CEACAM5: variants seen among roughly 807,000 people sequenced by gnomAD.
CEACAM5 encodes CEA cell adhesion molecule 5.
CEACAM5 carries 52 observed loss-of-function variants against 63.0 expected under a neutral mutation model. That is an observed-to-expected ratio of 0.83 (90% CI 0.66 to 1.04). The LOEUF (loss-of-function observed/expected upper bound fraction) is 1.04. Ranked by LOEUF, CEACAM5 falls within the 50% of genes least tolerant of loss-of-function variation. The pLI, the probability that CEACAM5 is intolerant of heterozygous loss-of-function variation, is 0.00. For missense variants in CEACAM5, 790 were observed against 864.8 expected (o/e 0.91, Z 1.08); for synonymous variants, 357 against 351.3 (o/e 1.02, Z -0.18).
intron 9 of CEACAM5, among the ~76,000 whole-genome samples, chr19:41,728,479 C>T (rs1031068007): frequency 1.3e-5 from 2 of 152,260 alleles, no homozygotes; most frequent in South Asian, 4.1e-4. Flanking sequence ...TGACTTTCAG[C>T]TAGGAGGATT....
rs782477374 is a variant in CEACAM5, at chr19:41,710,031, G to A, written c.416G>A (p.Arg139Gln). The A allele has an allele frequency of 1.0e-5, 16 of 1,598,564 alleles. No individual in the cohort carries two copies. Among genetic ancestry groups the A allele is most frequent in the South Asian group, 2.3e-5 (2 of 87,714 alleles). ...AATGAAGAAGCAACTGGCCAGTTCCGGGTATACCGTGAGTGATTCCCCCAT... is the reference window on the plus strand; with the variant it reads ...AATGAAGAAGCAACTGGCCAGTTCCAGGTATACCGTGAGTGATTCCCCCAT... The part of the protein sequence containing the change: ...LVNEEATGQF[R>Q]VYPELPKPSI... Residue 139 changes from arginine to glutamine, a missense_variant, in exon 2 of 10, where the codon CGG (arginine) becomes CAG (glutamine). Coordinates refer to ENST00000221992, the MANE Select transcript of CEACAM5 (RefSeq NM_004363.6).
intron 2 of CEACAM5, among the ~76,000 whole-genome samples, chr19:41,712,045 C>T (rs1379829509): frequency 2.6e-5 from 4 of 152,210 alleles, no homozygotes; most frequent in African/African-American, 9.6e-5. Flanking sequence ...ACACACGGAA[C>T]AGGCAGCAGG....
In CEACAM5 at chr19:41,718,299, A is replaced by T; in HGVS notation, c.1409A>T (p.Lys470Met). 1.2e-6 allele frequency: 2 copies of T among 1,614,212 alleles called. No individual in the cohort carries two copies. The highest frequency in any genetic ancestry group is 1.7e-6 in the Non-Finnish European group (2 of 1,180,032). ...CTCTTTATCTCCAACATCACTGAGA[A>T]GAACAGCGGACTCTATACCTGCCAG... is the stretch of plus-strand genomic sequence containing the variant. The part of the protein sequence containing the change: ...QELFISNITE[K>M]NSGLYTCQAN... The change falls in exon 6 of 10, where the codon AAG (lysine) becomes ATG (methionine). Residue 470 changes from lysine to methionine, a missense_variant. By Grantham distance (95) the Lys-to-Met change is moderately conservative. Transcript: ENST00000221992.
rs11667651 is a variant in CEACAM5 at position 41,730,086 on chromosome 19, C to T, written c.*939C>T. ...TCAATTAAACTTCTAAAAGTTTAAT[C>T]TGAGATTCCTTATAAAAACTTCCAG... On this transcript the variant is annotated 3_prime_UTR_variant, in exon 10 of 10. Coordinates refer to ENST00000221992, the MANE Select transcript of CEACAM5 (RefSeq NM_004363.6). Among the ~76,000 whole-genome samples the T allele has an allele frequency of 0.32, 49,019 of 151,990 alleles. 8,262 individuals carry two copies. The highest frequency in any genetic ancestry group is 0.4 in the Middle Eastern group (118 of 294).
chr19:41,723,580 T>C (rs2072657352), intron 8 of CEACAM5, among the ~76,000 whole-genome samples: 2 of 152,214 alleles, frequency 1.3e-5, no homozygotes, highest in South Asian at 2.1e-4. Context: ...TTATCAGATA[T>C]ATGATTTGCA....
At chr19:41,717,881 A>G (rs1343945438) in intron 5 of CEACAM5, 148 bp downstream of exon 5, 3 of 1,121,500 alleles carry the variant, frequency 2.7e-6, no homozygotes, top group East Asian at 4.7e-5. Flanking sequence ...AAATCCATGC[A>G]GGCCCAGTCC....
chr19:41,724,443 C>T (rs536338475), intron 8 of CEACAM5, among the ~76,000 whole-genome samples: 2 of 152,184 alleles, frequency 1.3e-5, no homozygotes, highest in African/African-American at 4.8e-5. Flanking sequence ...GGTTGTTTGG[C>T]TATTTAGAGT....
At chr19:41,719,096 C>T (rs1600468781) in intron 6 of CEACAM5, among the ~76,000 whole-genome samples, 1 of 152,102 alleles carries the variant, frequency 6.6e-6, no homozygotes, top group East Asian at 1.9e-4. Flanking sequence ...ATTGTGGGCA[C>T]AGCACATGGG....
intron 7 of CEACAM5, 70 bp downstream of exon 7, chr19:41,720,278 T>C: frequency 6.6e-7 from 1 of 1,525,406 alleles, no homozygotes. Context: ...GCCAGGACTC[T>C]CAGTTCTCCT....
At chr19:41,714,219 C>A (rs540765006) in intron 2 of CEACAM5, among the ~76,000 whole-genome samples, 2 of 152,150 alleles carry the variant, frequency 1.3e-5, no homozygotes, top group Non-Finnish European at 2.9e-5. Flanking sequence ...AACAAACAAA[C>A]AAAGACCAAA....
intron 9 of CEACAM5, among the ~76,000 whole-genome samples, chr19:41,728,000 A>C (rs979544006): frequency 6.6e-5 from 10 of 152,178 alleles, no homozygotes; most frequent in Non-Finnish European, 1.5e-4. Context: ...CACTGTCTGC[A>C]CTGTGGAGTT....
At chr19:41,714,819 A>G (rs1319096941) in intron 2 of CEACAM5, 152 bp from the exon 3 acceptor site, 21 of 1,396,086 alleles carry the variant, frequency 1.5e-5, no homozygotes, top group East Asian at 4.6e-5. Context: ...ATCTCAGATC[A>G]TCGTGCATCT....
At chr19:41,724,142 T>C (rs1245313034) in intron 8 of CEACAM5, among the ~76,000 whole-genome samples, 2 of 152,186 alleles carry the variant, frequency 1.3e-5, no homozygotes, top group Non-Finnish European at 2.9e-5. Flanking sequence ...TTAGGTTAAT[T>C]TGCATATATG....
In CEACAM5 at chr19:41,720,966, C is replaced by A. The variant is rs1555816110; in HGVS notation, c.1816C>A (p.Leu606Ile). The change falls in exon 8 of 10, where the codon CTT becomes ATT. Residue 606 changes from leucine (L) to isoleucine (I), a missense_variant. Coordinates refer to ENST00000221992, the MANE Select transcript of CEACAM5 (RefSeq NM_004363.6). ...CATTTCCCCCCCAGACTCGTCTTAC[C>A]TTTCGGGAGCGAACCTCAACCTCTC... ...PIISPPDSSYLSGANLNLSCH... is the reference protein window; with the variant it reads ...PIISPPDSSYISGANLNLSCH... 6.2e-7 allele frequency: 1 copy of A among 1,614,062 alleles called. No homozygotes were observed. The highest frequency in any genetic ancestry group is 1.1e-5 in the South Asian group (1 of 91,066).
At position 41,719,977 on chromosome 19, in the gene CEACAM5, G is replaced by A. The variant is rs2072592013; in HGVS notation, c.1540G>A (p.Glu514Lys). 1 of 1,614,108 alleles carries A rather than the reference G, an allele frequency of 6.2e-7. No homozygotes were observed. Among genetic ancestry groups the A allele is most frequent in the African/African-American group, 1.3e-5 (1 of 74,936 alleles). The change falls in exon 7 of 10, where the codon GAG (glutamate) becomes AAG (lysine). Residue 514 changes from glutamate to lysine, a missense_variant. By Grantham distance (56) the Glu-to-Lys change is moderately conservative. Transcript: ENST00000221992. ...CTCCAGCAACAACTCCAAACCCGTG[G>A]AGGACAAGGATGCTGTGGCCTTCAC... ...SISSNNSKPVEDKDAVAFTCE... is the reference protein window; with the variant it reads ...SISSNNSKPVKDKDAVAFTCE...
chr19:41,720,539 C>T (rs1294474107), intron 7 of CEACAM5, among the ~76,000 whole-genome samples: 1 of 143,190 alleles, frequency 7.0e-6, no homozygotes, highest in Non-Finnish European at 1.5e-5. Context: ...CGGAGTCTCG[C>T]TCTTTCGCCC....
intron 2 of CEACAM5, among the ~76,000 whole-genome samples, chr19:41,712,722 G>A (rs949757102): frequency 6.6e-6 from 1 of 152,186 alleles, no homozygotes; most frequent in African/African-American, 2.4e-5. Context: ...GGAATTCAGA[G>A]CAGACCTAAA....
intron 6 of CEACAM5, among the ~76,000 whole-genome samples, chr19:41,719,009 G>C (rs1004690930): frequency 1.3e-5 from 2 of 152,218 alleles, no homozygotes; most frequent in African/African-American, 4.8e-5. Flanking sequence ...TCAGGCTACA[G>C]GGAAATAAGA....
chr19:41,717,772 C>A lies in CEACAM5; in HGVS notation c.1237+39C>A, dbSNP rs200747038. On this transcript the variant is annotated intron_variant, in intron 5 of 9. Transcript: ENST00000221992. ...GTTCCTCTGTGGCTCAGGCTGCCAG[C>A]CCAAATCCACATAGCCAAAGTCCAG... is the stretch of plus-strand genomic sequence containing the variant. The A allele has an allele frequency of 2.5e-6, 4 of 1,603,882 alleles. No homozygotes were observed. The East Asian group carries it at 8.9e-5, about 36-fold the overall frequency.
Sources: gnomAD v4.1 joint callset for allele counts (sites outside exome capture counted in the v4.1 genomes callset) on GRCh38, gnomAD v4.1.1 for gene constraint, MANE v1.5 for transcripts, NCBI Gene and HGNC (gene_info 2026-07-23, HGNC 2026-07-21) for gene names.